The following CYP2C8 variants were observed in gnomAD, a reference collection of about 807,000 sequenced individuals.
The protein encoded by CYP2C8 is cytochrome P450 2C8.
CYP2C8 carries 51 observed loss-of-function variants against 41.3 expected under a neutral mutation model. That is an observed-to-expected ratio of 1.24 (90% CI 0.99 to 1.56). The LOEUF (loss-of-function observed/expected upper bound fraction) is 1.56, where lower values mean the gene tolerates loss of function less well. Among genes scored for constraint, CYP2C8 ranks in the 40% most tolerant of loss-of-function variants. The pLI, the probability that CYP2C8 is intolerant of heterozygous loss-of-function variation, is 0.00. For synonymous variants in CYP2C8, 218 were observed against 205.8 expected, an observed-to-expected ratio of 1.06 and a Z score of -0.51; for missense variants, 651 against 579.9, an observed-to-expected ratio of 1.12 and a Z score of -1.26.
At chr10:95,039,109 G>A (rs992615597) in intron 7 of CYP2C8, 71 bp from the exon 8 acceptor site, 173 of 1,362,470 alleles carry the variant, frequency 1.3e-4, no homozygotes, top group Non-Finnish European at 1.6e-4. Context: ...TGGACATCAC[G>A]TAGCGCCATA....
chr10:95,054,934 T>C (rs1287098496), intron 5 of CYP2C8, among the ~76,000 whole-genome samples: 1 of 152,080 alleles, frequency 6.6e-6, no homozygotes, highest in African/African-American at 2.4e-5. Flanking sequence ...TTTTAAAGGA[T>C]TGAAATGGCA....
rs746566535 is a variant in CYP2C8 at position 95,067,660 on chromosome 10, A to AC, written c.199dup (p.Val67GlyfsTer15). 1.8e-5 allele frequency: 29 copies of AC among 1,613,988 alleles called. No homozygotes were observed. The Admixed American group carries it at 4.8e-4, about 27-fold the overall frequency. ...CACTATGGGATTCATGCCAAAATAC[A>AC]CGGTGAACACAGGACCATAGACTTT... is the stretch of plus-strand genomic sequence containing the variant. On this transcript the variant is annotated frameshift_variant, in exon 2 of 9. Coordinates refer to ENST00000371270, the MANE Select transcript of CYP2C8 (RefSeq NM_000770.3). LOFTEE classifies it high-confidence loss of function.
rs1375618484 is a variant in CYP2C8 at position 95,067,512 on chromosome 10, G to A, written c.331+17C>T. 6 of 1,613,992 alleles carry A rather than the reference G, an allele frequency of 3.7e-6. No individual in the cohort carries two copies. In the East Asian group the frequency reaches 6.7e-5, roughly 18 times the overall value. The stretch of plus-strand genomic sequence containing the variant: ...CACCCCAGTTACCAAAGCTGACACA[G>A]AAATATGTGCACCTACCAAGTCCTT... On this transcript the variant is annotated intron_variant, in intron 2 of 8. Transcript: ENST00000371270.
intron 4 of CYP2C8, among the ~76,000 whole-genome samples, chr10:95,061,892 T>C (rs2033444966): frequency 6.6e-6 from 1 of 152,260 alleles, no homozygotes; most frequent in African/African-American, 2.4e-5. Flanking sequence ...TTCATTTCTT[T>C]AGGTACCCAG....
chr10:95,062,942 T>C (rs907194283), intron 4 of CYP2C8, among the ~76,000 whole-genome samples: 1 of 152,220 alleles, frequency 6.6e-6, no homozygotes, highest in Non-Finnish European at 1.5e-5. Context: ...AAAATTCTTT[T>C]CTTTAAGAAT....
intron 6 of CYP2C8, among the ~76,000 whole-genome samples, chr10:95,043,926 A>G (rs2033060029): frequency 6.6e-6 from 1 of 152,054 alleles, no homozygotes; most frequent in Non-Finnish European, 1.5e-5. Context: ...TTCTTTAGTT[A>G]AATCACAATT....
chr10:95,066,069 A>T (rs1589448618), intron 3 of CYP2C8, among the ~76,000 whole-genome samples: 1 of 150,106 alleles, frequency 6.7e-6, no homozygotes, highest in African/African-American at 2.4e-5. Context: ...AAGTTTCAGA[A>T]AAACTGTTGT....
In CYP2C8 at chr10:95,054,991, A is replaced by G. The variant is rs2033288087; in HGVS notation, c.819+3344T>C. Among the ~76,000 whole-genome samples the G allele has an allele frequency of 3.9e-5, 6 of 152,150 alleles. 1 individual carries two copies. In the South Asian group the frequency reaches 1.0e-3, roughly 26 times the overall value. ...TGTGCACATTGTGCACATGTACCCT[A>G]AAACTTAAAGTATAATAATAATAAT... is the stretch of plus-strand genomic sequence containing the variant. On this transcript the variant is annotated intron_variant, in intron 5 of 8. Coordinates refer to ENST00000371270, the MANE Select transcript of CYP2C8 (RefSeq NM_000770.3).
chr10:95,063,628 T>C (rs1023230990), intron 4 of CYP2C8, among the ~76,000 whole-genome samples: 1 of 152,246 alleles, frequency 6.6e-6, no homozygotes, highest in Admixed American at 6.5e-5. Context: ...TGAAGCCTTC[T>C]TCTCTCAGCT....
intron 4 of CYP2C8, among the ~76,000 whole-genome samples, chr10:95,059,643 T>A (rs919575746): frequency 6.6e-6 from 1 of 152,334 alleles, no homozygotes; most frequent in Middle Eastern, 3.4e-3. Context: ...AGCTCTTTAG[T>A]TTTATTAGGT....
Position 95,069,364 on chromosome 10 carries a change from A to G in CYP2C8, c.39T>C (p.Phe13=), listed in dbSNP as rs1431309202. Residue 13 remains phenylalanine (F), a synonymous_variant, in exon 1 of 9, where the codon TTT becomes TTC. Transcript: ENST00000371270. The part of the protein sequence containing the change: ...PFVVLVLCLS[F]MLLFSLWRQS... ...GTCTCCAGAGTGAAAAGAGAAGCATAAAAGAGAGACACAGCACCAGGACCA... is the reference window on the plus strand; with the variant it reads ...GTCTCCAGAGTGAAAAGAGAAGCATGAAAGAGAGACACAGCACCAGGACCA... 6.2e-7 allele frequency: 1 copy of G among 1,614,128 alleles called. No homozygotes were observed. Among genetic ancestry groups the G allele is most frequent in the East Asian group, 2.2e-5 (1 of 44,872 alleles).
chr10:95,066,119 T>TGAGAGAGAGAGAGAGAGAGAGA (rs144502351), intron 3 of CYP2C8, among the ~76,000 whole-genome samples: 2 of 97,776 alleles, frequency 2.0e-5, no homozygotes, highest in Non-Finnish European at 4.0e-5. Context: ...GAAGCCTTGG[T>TGAGAGAGAGAGAGAGAGAGAGA]GAGAGAGAGA....
intron 6 of CYP2C8, 133 bp from the exon 7 acceptor site, chr10:95,043,210 A>T: frequency 1.3e-6 from 1 of 755,552 alleles, no homozygotes; most frequent in Non-Finnish European, 2.2e-6. Flanking sequence ...CCAGAAGTAC[A>T]ACCAGCCATA....
At chr10:95,047,432 A>G (rs1318090384) in intron 5 of CYP2C8, among the ~76,000 whole-genome samples, 2 of 152,232 alleles carry the variant, frequency 1.3e-5, no homozygotes, top group Non-Finnish European at 2.9e-5. Context: ...AAGACTCAGT[A>G]TCACCTACAT....
intron 4 of CYP2C8, among the ~76,000 whole-genome samples, chr10:95,058,847 A>T (rs1043952380): frequency 2.0e-5 from 3 of 151,848 alleles, no homozygotes; most frequent in Non-Finnish European, 2.9e-5. Context: ...CCTGTGTTCA[A>T]GTGTTCTCAT....
At chr10:95,047,396 C>A (rs573156534) in intron 5 of CYP2C8, among the ~76,000 whole-genome samples, 2 of 152,218 alleles carry the variant, frequency 1.3e-5, no homozygotes, top group East Asian at 3.9e-4. Context: ...CAAGAGTTTG[C>A]AATTTTCTTC....
At chr10:95,040,323 C>G (rs2032969077) in intron 7 of CYP2C8, among the ~76,000 whole-genome samples, 1 of 152,016 alleles carries the variant, frequency 6.6e-6, no homozygotes, top group Non-Finnish European at 1.5e-5. Context: ...AGTCCTAATC[C>G]TTGTAAAAAA....
chr10:95,060,284 G>C (rs904112844), intron 4 of CYP2C8, among the ~76,000 whole-genome samples: 1 of 152,120 alleles, frequency 6.6e-6, no homozygotes, highest in African/African-American at 2.4e-5. Context: ...AGCATGGAAT[G>C]TTCTTCCATT....
chr10:95,052,968 G>C (rs113158802), intron 5 of CYP2C8, among the ~76,000 whole-genome samples: 2 of 151,998 alleles, frequency 1.3e-5, no homozygotes, highest in Non-Finnish European at 2.9e-5. Context: ...AGATACAAAG[G>C]GGATCCCAAT....
Sources: gnomAD v4.1 joint callset for allele counts (sites outside exome capture counted in the v4.1 genomes callset) on GRCh38, gnomAD v4.1.1 for gene constraint, MANE v1.5 for transcripts, NCBI Gene and HGNC (gene_info 2026-07-23, HGNC 2026-07-21) for gene names.